Variants in AXDND1 observed in about 807,000 individuals in gnomAD.
AXDND1 encodes the protein axonemal dynein light chain domain containing 1, also known as axonemal dynein light chain domain-containing protein 1.
Under a neutral mutation model 137.5 loss-of-function variants are expected in AXDND1, and 110 were observed. The ratio of observed to expected loss-of-function variants is 0.80; its 90% CI spans 0.69 to 0.94. AXDND1 has a LOEUF of 0.94. AXDND1 is among the 40% of genes least tolerant of loss of function. The pLI is 0.00. For missense variants in AXDND1, 1,191 were observed against 1,169.8 expected (o/e 1.02, Z -0.26); for synonymous variants, 414 against 399.7 (o/e 1.04, Z -0.43).
intron 25 of AXDND1, chr1:179,544,063 C>T (rs565924279): frequency 2.0e-5 from 3 of 152,600 alleles, no homozygotes; most frequent in East Asian, 1.9e-4. Context: ...ACTGAACACA[C>T]CCCAGATATC....
At chr1:179,380,439 A>G (rs1648074159) in intron 6 of AXDND1, among the ~76,000 whole-genome samples, 1 of 152,204 alleles carries the variant, frequency 6.6e-6, no homozygotes, top group South Asian at 2.1e-4. Flanking sequence ...ATTTTGAGCA[A>G]TGATTATGGA....
intron 18 of AXDND1, among the ~76,000 whole-genome samples, chr1:179,490,504 C>A (rs560847106): frequency 6.6e-4 from 100 of 152,264 alleles, no homozygotes; most frequent in South Asian, 3.5e-3. Flanking sequence ...AAAAGAAATA[C>A]CTCACAGTTA....
chr1:179,459,315 G>T (rs1275407887), intron 16 of AXDND1, among the ~76,000 whole-genome samples: 1 of 151,994 alleles, frequency 6.6e-6, no homozygotes, highest in Non-Finnish European at 1.5e-5. Flanking sequence ...TTGTTTAAAA[G>T]ACATAGGTTC....
At chr1:179,473,872 T>A (rs755042127) in intron 17 of AXDND1, among the ~76,000 whole-genome samples, 2 of 152,230 alleles carry the variant, frequency 1.3e-5, no homozygotes, top group Non-Finnish European at 2.9e-5. Flanking sequence ...GTAAGTTTCC[T>A]GAGGCCTCCT....
Position 179,525,505 on chromosome 1 carries a change from A to G in AXDND1, c.2610+58A>G, listed in dbSNP as rs1302199384. On this transcript the variant is annotated intron_variant, in intron 22 of 25. Coordinates refer to ENST00000367618, the MANE Select transcript of AXDND1 (RefSeq NM_144696.6). ...CATACATACATACATACATACATAC[A>G]TATATTTTAGAGACAGGGTCCTGCC... 6 of 1,491,962 alleles carry G rather than the reference A, an allele frequency of 4.0e-6. No homozygotes were observed. The African/African-American group carries it at 7.0e-5, about 17-fold the overall frequency. 92.4% of individuals were successfully genotyped at this position (1,491,962 alleles called of 1,614,324 possible).
At chr1:179,480,911 G>A (rs183131393) in intron 17 of AXDND1, among the ~76,000 whole-genome samples, 1 of 135,488 alleles carries the variant, frequency 7.4e-6, no homozygotes, top group East Asian at 2.1e-4. Context: ...TTTTTTGTTT[G>A]TTTGTTTTTG....
At chr1:179,490,097 C>T (rs1443013142) in intron 18 of AXDND1, among the ~76,000 whole-genome samples, 3 of 152,168 alleles carry the variant, frequency 2.0e-5, no homozygotes, top group Non-Finnish European at 4.4e-5. Flanking sequence ...TTACTAAGAA[C>T]TTACTCCCTG....
chr1:179,384,359 AG>A (rs1333513411), intron 8 of AXDND1, among the ~76,000 whole-genome samples: 2 of 152,176 alleles, frequency 1.3e-5, no homozygotes, highest in Non-Finnish European at 2.9e-5. Flanking sequence ...CCTACAAACA[AG>A]GACATTCTCT....
At chr1:179,398,295 A>C (rs1213719852) in intron 11 of AXDND1, among the ~76,000 whole-genome samples, 2 of 152,150 alleles carry the variant, frequency 1.3e-5, no homozygotes, top group African/African-American at 2.4e-5. Context: ...CGTGTACTCC[A>C]ACTCTGGGGG....
intron 2 of AXDND1, among the ~76,000 whole-genome samples, chr1:179,368,556 A>G (rs186989083): frequency 3.9e-4 from 59 of 152,346 alleles, no homozygotes; most frequent in Admixed American, 3.7e-3. Flanking sequence ...ATGCAGGTTC[A>G]TCTTGGTACC....
chr1:179,425,498 C>A (rs2125289895), intron 12 of AXDND1, among the ~76,000 whole-genome samples: 1 of 152,240 alleles, frequency 6.6e-6, no homozygotes, highest in African/African-American at 2.4e-5. Flanking sequence ...TGCCTGTCCT[C>A]AGGCATATTT....
intron 14 of AXDND1, among the ~76,000 whole-genome samples, chr1:179,430,966 A>G (rs757917909): frequency 1.4e-4 from 22 of 152,154 alleles, no homozygotes; most frequent in Non-Finnish European, 1.2e-4. Flanking sequence ...AATGGGTGAC[A>G]GTTAGAGGGA....
In AXDND1 at chr1:179,551,565, G is replaced by A. The variant is rs1572256954; in HGVS notation, c.3032-2947G>A. The stretch of plus-strand genomic sequence containing the variant: ...GAGCATCTACTATGTGGCAAGCACG[G>A]TTAAGCATAGAACATGTTTATTCTT... On this transcript the variant is annotated intron_variant, in intron 25 of 25. Coordinates refer to ENST00000367618, the MANE Select transcript of AXDND1 (RefSeq NM_144696.6). The A allele has an allele frequency of 2.5e-6, 3 of 1,191,290 alleles. No individual in the cohort carries two copies. In the Admixed American group the frequency reaches 5.5e-5, roughly 22 times the overall value. The allele number at this position is 1,191,290 out of a possible 1,614,324, so 73.8% of individuals were successfully genotyped here.
At chr1:179,507,228 G>T (rs1250420405) in intron 20 of AXDND1, among the ~76,000 whole-genome samples, 2 of 152,088 alleles carry the variant, frequency 1.3e-5, no homozygotes, top group East Asian at 3.9e-4. Context: ...AGCTATCCTG[G>T]TCTATAGCTG....
chr1:179,509,048 C>T (rs1159649991), intron 20 of AXDND1, among the ~76,000 whole-genome samples: 1 of 152,096 alleles, frequency 6.6e-6, no homozygotes. Context: ...CTTTTTGTAT[C>T]TGTTTTTACG....
At chr1:179,489,287 T>G (rs1241266182) in intron 18 of AXDND1, among the ~76,000 whole-genome samples, 1 of 152,192 alleles carries the variant, frequency 6.6e-6, no homozygotes, top group Non-Finnish European at 1.5e-5. Flanking sequence ...TAATTTATTT[T>G]AATTTTAAAT....
chr1:179,423,195 A>T (rs1656032458), intron 12 of AXDND1, among the ~76,000 whole-genome samples: 2 of 89,372 alleles, frequency 2.2e-5, no homozygotes, highest in African/African-American at 3.7e-5. Context: ...ATTATATAGT[A>T]ACCTTTTTTT....
intron 15 of AXDND1, among the ~76,000 whole-genome samples, chr1:179,440,991 C>G (rs1229801191): frequency 6.6e-6 from 1 of 152,150 alleles, no homozygotes; most frequent in Non-Finnish European, 1.5e-5. Flanking sequence ...AGTGGCACAA[C>G]CTTTGGAAGG....
Position 179,435,884 on chromosome 1 carries a change from CAT to C in AXDND1, c.1563+3543_1563+3544del, listed in dbSNP as rs563152442. On this transcript the variant is annotated intron_variant, in intron 15 of 25. Coordinates refer to ENST00000367618, the MANE Select transcript of AXDND1 (RefSeq NM_144696.6). ...CCTTTTGCATAGCAAAATAAACTAT[CAT>C]CAGAGTGAACAGGCAGCCTACAGAA... Among the ~76,000 whole-genome samples the C allele has an allele frequency of 1.8e-3, 279 of 152,164 alleles. 1 individual carries two copies. Among genetic ancestry groups the C allele is most frequent in the African/African-American group, 6.2e-3 (255 of 41,456 alleles).
Sources: allele counts gnomAD v4.1 joint callset (sites outside exome capture counted in the v4.1 genomes callset), GRCh38; gene constraint gnomAD v4.1.1; transcripts MANE v1.5; gene names NCBI Gene and HGNC (gene_info 2026-07-23, HGNC 2026-07-21).